Variants in CDH13 observed in about 807,000 individuals in gnomAD.
CDH13 encodes the protein cadherin-13.
A neutral mutation model predicts 63.8 loss-of-function variants in CDH13; 24 were observed. The observed-to-expected ratio is 0.38, with a 90% CI of 0.27 to 0.53. CDH13 has a LOEUF of 0.53. Ranked by LOEUF, CDH13 falls within the 20% of genes least tolerant of loss-of-function variation. The probability of loss-of-function intolerance (pLI) is 0.85; values close to 1 mark genes in which losing one functional copy is unlikely to be tolerated. For synonymous variants in CDH13, 503 were observed against 355.3 expected, an observed-to-expected ratio of 1.42 and a Z score of -4.67; for missense variants, 1,049 against 903.1, an observed-to-expected ratio of 1.16 and a Z score of -2.07.
At chr16:83,633,813 C>T (rs1910995679) in intron 8 of CDH13, among the ~76,000 whole-genome samples, 1 of 152,112 alleles carries the variant, frequency 6.6e-6, no homozygotes, top group Non-Finnish European at 1.5e-5. Flanking sequence ...AAAGTAGATT[C>T]CATCATAAAC....
At chr16:83,434,703 C>T (rs1012408189) in intron 6 of CDH13, among the ~76,000 whole-genome samples, 24 of 151,950 alleles carry the variant, frequency 1.6e-4, no homozygotes, top group Admixed American at 5.3e-4. Flanking sequence ...CTGCCGATGT[C>T]ACCCCTCAAT....
intron 3 of CDH13, among the ~76,000 whole-genome samples, chr16:83,085,157 G>C (rs1055880155): frequency 6.6e-6 from 1 of 151,824 alleles, no homozygotes; most frequent in Non-Finnish European, 1.5e-5. Context: ...CACATGGCTG[G>C]GGAGGCCCTA....
intron 6 of CDH13, among the ~76,000 whole-genome samples, chr16:83,388,977 G>A (rs533975226): frequency 3.2e-4 from 49 of 152,234 alleles, no homozygotes; most frequent in African/African-American, 1.2e-3. Flanking sequence ...AATGACCAGG[G>A]CGCTTGTGAA....
At chr16:82,960,009 A>G (rs1266922467) in intron 2 of CDH13, among the ~76,000 whole-genome samples, 1 of 152,244 alleles carries the variant, frequency 6.6e-6, no homozygotes, top group Non-Finnish European at 1.5e-5. Flanking sequence ...CAGAGCGGCT[A>G]TACCATTTTA....
intron 6 of CDH13, among the ~76,000 whole-genome samples, chr16:83,412,981 A>G (rs1160548790): frequency 1.3e-5 from 2 of 152,228 alleles, no homozygotes; most frequent in Non-Finnish European, 2.9e-5. Flanking sequence ...TAAACCTGTC[A>G]TCATAACATA....
chr16:83,232,058 G>A (rs2040010831), intron 5 of CDH13, among the ~76,000 whole-genome samples: 1 of 152,094 alleles, frequency 6.6e-6, no homozygotes, highest in Non-Finnish European at 1.5e-5. Flanking sequence ...AGAGGGTAGA[G>A]GGTAGGAGAA....
intron 2 of CDH13, among the ~76,000 whole-genome samples, chr16:82,954,953 G>A (rs1041125281): frequency 3.3e-5 from 5 of 152,132 alleles, no homozygotes; most frequent in African/African-American, 7.2e-5. Flanking sequence ...CTGTTGTAGC[G>A]TGTATCAATA....
In CDH13 at chr16:82,868,876, C is replaced by T. The variant is rs147949120; in HGVS notation, c.157+10403C>T. On this transcript the variant is annotated intron_variant, in intron 2 of 13. Coordinates refer to ENST00000567109, the MANE Select transcript of CDH13 (RefSeq NM_001257.5). ...AGCTGCCTGGGTTCAAATCTAAGGC[C>T]GATCCTTTACCAACTAAGTAACTTT... is the stretch of plus-strand genomic sequence containing the variant. Among the ~76,000 whole-genome samples the T allele has an allele frequency of 3.1e-3, 468 of 152,148 alleles. 3 individuals are homozygous for T. Among genetic ancestry groups the T allele is most frequent in the African/African-American group, 0.01 (416 of 41,494 alleles).
At chr16:82,719,260 A>G in intron 1 of CDH13, 2 of 403,368 alleles carry the variant, frequency 5.0e-6, no homozygotes, top group Admixed American at 2.7e-5. Context: ...ATTGGCCTGT[A>G]ATATAATTTT....
chr16:83,355,977 C>A (rs1015823511), intron 6 of CDH13, among the ~76,000 whole-genome samples: 1 of 152,138 alleles, frequency 6.6e-6, no homozygotes, highest in South Asian at 2.1e-4. Context: ...GAAACAGACA[C>A]TCAGGGAGGT....
At chr16:82,817,274 A>G (rs1465210955) in intron 1 of CDH13, among the ~76,000 whole-genome samples, 2 of 152,014 alleles carry the variant, frequency 1.3e-5, no homozygotes, top group Non-Finnish European at 2.9e-5. Context: ...GTGGCCATAC[A>G]GGTCCACCCC....
At chr16:83,738,125 G>A (rs1273031738) in intron 10 of CDH13, among the ~76,000 whole-genome samples, 1 of 152,220 alleles carries the variant, frequency 6.6e-6, no homozygotes, top group African/African-American at 2.4e-5. Flanking sequence ...GAGGGAGCCT[G>A]CTGGCATGGC....
At chr16:83,577,706 C>A (rs1017297555) in intron 7 of CDH13, among the ~76,000 whole-genome samples, 1 of 152,154 alleles carries the variant, frequency 6.6e-6, no homozygotes, top group Non-Finnish European at 1.5e-5. Context: ...GATGGATGCA[C>A]CTTGTGATAC....
intron 4 of CDH13, among the ~76,000 whole-genome samples, chr16:83,215,635 G>GGGGGTGGT (rs996930238): frequency 7.9e-5 from 12 of 151,878 alleles, no homozygotes; most frequent in Admixed American, 4.6e-4. Context: ...CTAAAGTGGC[G>GGGGGTGGT]GGGGTGGTGG....
chr16:83,194,322 G>C (rs1033516694), intron 4 of CDH13, among the ~76,000 whole-genome samples: 1 of 152,208 alleles, frequency 6.6e-6, no homozygotes, highest in Non-Finnish European at 1.5e-5. Context: ...CACGCTTGCT[G>C]TTAGCAGCGC....
rs570372989 is a variant in CDH13, at chr16:83,159,689, A to G, written c.483+34188A>G. On this transcript the variant is annotated intron_variant, in intron 4 of 13. Transcript: ENST00000567109. The stretch of plus-strand genomic sequence containing the variant: ...TAACTTTAATTTCTCATTTGAACGT[A>G]CATGGCATCCATTTAACCAACTCAT... 2.0e-5 allele frequency among the ~76,000 whole-genome samples: 3 copies of G among 152,366 alleles called. No individual in the cohort carries two copies. The East Asian group carries it at 5.8e-4, about 29-fold the overall frequency.
chr16:83,729,868 A>G (rs1289737160), intron 10 of CDH13, among the ~76,000 whole-genome samples: 1 of 152,206 alleles, frequency 6.6e-6, no homozygotes, highest in Non-Finnish European at 1.5e-5. Flanking sequence ...TTGGGATTGT[A>G]TGTCAAGCCC....
intron 1 of CDH13, among the ~76,000 whole-genome samples, chr16:82,813,675 C>T (rs564832583): frequency 6.6e-6 from 1 of 152,090 alleles, no homozygotes; most frequent in African/African-American, 2.4e-5. Context: ...TCTCTATTAC[C>T]TTCTAGAGCC....
At chr16:83,632,267 GACGTGTCCT>G (rs1910842275) in intron 8 of CDH13, among the ~76,000 whole-genome samples, 1 of 22,934 alleles carries the variant, frequency 4.4e-5, no homozygotes, top group Non-Finnish European at 1.1e-4. Context: ...ACACTGTAGA[GACGTGTCCT>G]ACAGTGAAAT....
Sources: gnomAD v4.1 joint callset for allele counts (sites outside exome capture counted in the v4.1 genomes callset) on GRCh38, gnomAD v4.1.1 for gene constraint, MANE v1.5 for transcripts, NCBI Gene and HGNC (gene_info 2026-07-23, HGNC 2026-07-21) for gene names.